CCDC30: variants seen among roughly 807,000 people sequenced by gnomAD.
CCDC30 encodes the protein coiled-coil domain-containing protein 30.
Under a neutral mutation model 100.2 loss-of-function variants are expected in CCDC30, and 70 were observed. The ratio of observed to expected loss-of-function variants is 0.70; its 90% CI spans 0.58 to 0.85. The LOEUF is 0.85. CCDC30 is among the 40% of genes least tolerant of loss of function. CCDC30 has a pLI of 0.00. For missense variants in CCDC30, 652 were observed against 771.2 expected (o/e 0.85, Z 1.83); for synonymous variants, 233 against 269.5 (o/e 0.86, Z 1.33).
At chr1:42,569,911 G>A (rs1185500577) in intron 7 of CCDC30, among the ~76,000 whole-genome samples, 2 of 152,216 alleles carry the variant, frequency 1.3e-5, no homozygotes, top group South Asian at 2.1e-4. Context: ...TCACTCATAA[G>A]TGGGAGCTGA....
chr1:42,532,003 A>G lies in CCDC30; in HGVS notation c.456+33087A>G, dbSNP rs941857248. On this transcript the variant is annotated intron_variant, in intron 6 of 16. Transcript: ENST00000668663. Reference sequence around the variant, plus strand: ...AAATCTCAACCTAACTACAAGACCTATGTTTTGGCCGGGTGCAGTGGCTCA... The same window carrying G: ...AAATCTCAACCTAACTACAAGACCTGTGTTTTGGCCGGGTGCAGTGGCTCA... Among the ~76,000 whole-genome samples, 4 of 152,102 alleles carry G rather than the reference A, an allele frequency of 2.6e-5. No homozygotes were observed. In the South Asian group the frequency reaches 6.2e-4, roughly 24 times the overall value.
At chr1:42,637,648 C>T (rs897949495) in intron 12 of CCDC30, among the ~76,000 whole-genome samples, 4 of 152,228 alleles carry the variant, frequency 2.6e-5, no homozygotes, top group African/African-American at 4.8e-5. Context: ...AATGCCTTTT[C>T]TTGAACACTC....
intron 13 of CCDC30, 131 bp from the exon 18 acceptor site, chr1:42,644,560 TTC>T (rs974073017): frequency 3.2e-6 from 2 of 616,790 alleles, no homozygotes; most frequent in Non-Finnish European, 5.8e-6. Context: ...GTGGGAATTA[TTC>T]TGTCAAACTT....
chr1:42,573,409 T>C (rs977793267), intron 7 of CCDC30, among the ~76,000 whole-genome samples: 1 of 152,178 alleles, frequency 6.6e-6, no homozygotes, highest in African/African-American at 2.4e-5. Context: ...ATGTTCATTT[T>C]CTAATTATTT....
In CCDC30 at chr1:42,634,726, T is replaced by G. The variant is rs1647114617; in HGVS notation, c.1278-2511T>G. ...AGATATAATTCAAATATTATACAAT[T>G]CACTCGTTTAAAGTGTATAGTTCAA... On this transcript the variant is annotated intron_variant, in intron 11 of 16. Transcript: ENST00000668663. Among the ~76,000 whole-genome samples, 4 of 152,354 alleles carry G rather than the reference T, an allele frequency of 2.6e-5. 1 individual carries two copies. The South Asian group carries it at 8.3e-4, about 32-fold the overall frequency.
Position 42,620,393 on chromosome 1 carries a change from TA to T in CCDC30, c.1277+9310del, listed in dbSNP as rs1030698658. On this transcript the variant is annotated intron_variant, in intron 11 of 16. Coordinates refer to ENST00000668663, the Ensembl canonical transcript of CCDC30. ...GTGCCCCCAAACCTAAAATGAAATG[TA>T]AAAAAACAAGCTTTTATAAAACTAG... Among the ~76,000 whole-genome samples, 1,055 of 152,184 alleles carry T rather than the reference TA, an allele frequency of 6.9e-3. 21 individuals are homozygous for T. The highest frequency in any genetic ancestry group is 0.024 in the African/African-American group (990 of 41,522).
chr1:42,502,094 G>A (rs1644322991), intron 6 of CCDC30, among the ~76,000 whole-genome samples: 1 of 152,200 alleles, frequency 6.6e-6, no homozygotes, highest in African/African-American at 2.4e-5. Flanking sequence ...TTGAGCTGCG[G>A]TGGGCTTCAC....
At chr1:42,579,570 G>A (rs572064493) in intron 8 of CCDC30, among the ~76,000 whole-genome samples, 54 of 152,100 alleles carry the variant, frequency 3.6e-4, no homozygotes, top group South Asian at 1.9e-3. Context: ...GGAGGTGGAG[G>A]TTGCAGTGAG....
rs1057033031 is a variant in CCDC30 at position 42,612,384 on chromosome 1, G to A, written c.1277+1294G>A. 1.4e-4 allele frequency among the ~76,000 whole-genome samples: 21 copies of A among 152,272 alleles called. No homozygotes were observed. In the East Asian group the frequency reaches 4.1e-3, roughly 29 times the overall value. ...AGCCCATGTGTGTTTCACAGCAAGG[G>A]GGCCAGAGAAGTCAGGCAGCAGCTG... On this transcript the variant is annotated intron_variant, in intron 11 of 16. Coordinates refer to ENST00000668663, the Ensembl canonical transcript of CCDC30.
chr1:42,631,488 T>C (rs1206418363), intron 11 of CCDC30, among the ~76,000 whole-genome samples: 1 of 152,188 alleles, frequency 6.6e-6, no homozygotes, highest in Non-Finnish European at 1.5e-5. Context: ...GGCTACCAGC[T>C]ATGACCACTC....
chr1:42,532,476 A>G (rs1253985966), intron 6 of CCDC30, among the ~76,000 whole-genome samples: 1 of 152,236 alleles, frequency 6.6e-6, no homozygotes, highest in African/African-American at 2.4e-5. Context: ...ACGTGTTCTC[A>G]GAGAACATGC....
chr1:42,607,119 T>G (rs1570228655), intron 10 of CCDC30, among the ~76,000 whole-genome samples: 1 of 152,096 alleles, frequency 6.6e-6, no homozygotes, highest in East Asian at 1.9e-4. Context: ...GTTGGAGAAT[T>G]TAAAGCTAGC....
intron 6 of CCDC30, among the ~76,000 whole-genome samples, chr1:42,561,679 G>T (rs955396688): frequency 6.6e-5 from 10 of 152,004 alleles, no homozygotes; most frequent in African/African-American, 2.4e-4. Flanking sequence ...CTCTGTAGAT[G>T]ACATGATTTT....
Position 42,622,347 on chromosome 1 carries a change from A to G in CCDC30, c.1277+11257A>G, listed in dbSNP as rs111337268. ...TTTATCCAATCATCTGTTGGTGGAC[A>G]TTTAGGTTGCTTGCCAATATTGGCT... is the stretch of plus-strand genomic sequence containing the variant. On this transcript the variant is annotated intron_variant, in intron 11 of 16. Transcript: ENST00000668663. Among the ~76,000 whole-genome samples the G allele has an allele frequency of 8.1e-3, 1,235 of 152,274 alleles. 19 individuals carry two copies. The highest frequency in any genetic ancestry group is 0.025 in the African/African-American group (1,058 of 41,552).
chr1:42,481,601 C>T (rs1014083967), intron 2 of CCDC30, among the ~76,000 whole-genome samples: 4 of 142,528 alleles, frequency 2.8e-5, no homozygotes, highest in Admixed American at 7.0e-5. Flanking sequence ...AAAAAAAAAT[C>T]ACCTTGGGAC....
intron 6 of CCDC30, chr1:42,537,041 G>A: frequency 2.7e-6 from 1 of 370,354 alleles, no homozygotes; most frequent in Non-Finnish European, 5.3e-6. Flanking sequence ...AATATGAATA[G>A]GGAGGGAGAG....
chr1:42,564,858 A>G (rs536393767), intron 6 of CCDC30, among the ~76,000 whole-genome samples: 13 of 152,144 alleles, frequency 8.5e-5, no homozygotes, highest in Non-Finnish European at 1.5e-4. Flanking sequence ...CTCAACCACC[A>G]TTCTACTTGC....
intron 11 of CCDC30, among the ~76,000 whole-genome samples, chr1:42,621,285 T>A (rs1338336886): frequency 1.3e-5 from 2 of 152,126 alleles, no homozygotes; most frequent in Admixed American, 1.3e-4. Context: ...GCATTACAAA[T>A]AATATGATTA....
At chr1:42,542,285 T>TG (rs1231240393) in intron 6 of CCDC30, among the ~76,000 whole-genome samples, 1 of 152,152 alleles carries the variant, frequency 6.6e-6, no homozygotes, top group Non-Finnish European at 1.5e-5. Flanking sequence ...ACCTAGAAAA[T>TG]GCTTTGTGTT....
Sources: gnomAD v4.1 joint callset for allele counts (sites outside exome capture counted in the v4.1 genomes callset) on GRCh38, gnomAD v4.1.1 for gene constraint, MANE v1.5 for transcripts, NCBI Gene and HGNC (gene_info 2026-07-23, HGNC 2026-07-21) for gene names.